UGP2: variants seen among roughly 807,000 people sequenced by gnomAD.
The protein encoded by UGP2 is UTP--glucose-1-phosphate uridylyltransferase.
UGP2 carries 40 observed loss-of-function variants against 49.0 expected under a neutral mutation model. That is an observed-to-expected ratio of 0.82 (90% CI 0.63 to 1.06). UGP2 has a LOEUF of 1.06. Ranked by LOEUF, UGP2 falls within the 50% of genes least tolerant of loss-of-function variation. The probability of loss-of-function intolerance (pLI) is 0.00; values close to 1 mark genes in which losing one functional copy is unlikely to be tolerated. For synonymous variants in UGP2, 225 were observed against 213.0 expected (o/e 1.06, Z -0.49); for missense variants, 460 against 603.5 (o/e 0.76, Z 2.49).
chr2:63,857,796 T>G, intron 2 of UGP2, 33 bp from the exon 3 acceptor site: 1 of 1,566,354 alleles, frequency 6.4e-7, no homozygotes, highest in African/African-American at 1.4e-5. Flanking sequence ...TTAAGCATTC[T>G]GCTGGTTGTA....
chr2:63,877,233 AGGAGC>A (rs1670967780), intron 3 of UGP2, among the ~76,000 whole-genome samples: 1 of 152,246 alleles, frequency 6.6e-6, no homozygotes. Flanking sequence ...AGGTTGTTGG[AGGAGC>A]AAGATATTTT....
At chr2:63,887,765 T>A (rs1477098495) in intron 8 of UGP2, 121 bp downstream of exon 8, 5 of 1,289,722 alleles carry the variant, frequency 3.9e-6, no homozygotes, top group Admixed American at 2.3e-5. Flanking sequence ...TATTCCTCTG[T>A]CTTTGATACC....
intron 3 of UGP2, among the ~76,000 whole-genome samples, chr2:63,865,732 T>G (rs1670141137): frequency 6.6e-6 from 1 of 151,954 alleles, no homozygotes; most frequent in Non-Finnish European, 1.5e-5. Context: ...AAAGACAAGG[T>G]CTCGCTGTGT....
At chr2:63,883,627 A>G (rs755598005) in intron 4 of UGP2, among the ~76,000 whole-genome samples, 3 of 152,150 alleles carry the variant, frequency 2.0e-5, no homozygotes, top group Non-Finnish European at 2.9e-5. Flanking sequence ...GCTGTACACA[A>G]GCTCCAGACT....
intron 3 of UGP2, among the ~76,000 whole-genome samples, chr2:63,879,314 G>C (rs1252312250): frequency 6.6e-6 from 1 of 152,022 alleles, no homozygotes; most frequent in Non-Finnish European, 1.5e-5. Context: ...TGAATTATTT[G>C]AAAACATTGT....
chr2:63,853,090 C>T (rs563751613), intron 1 of UGP2, among the ~76,000 whole-genome samples: 7 of 151,884 alleles, frequency 4.6e-5, no homozygotes, highest in African/African-American at 1.7e-4. Flanking sequence ...GGTCTGGGGA[C>T]AGAATTTTAG....
intron 1 of UGP2, among the ~76,000 whole-genome samples, chr2:63,844,531 C>A (rs983741950): frequency 1.3e-5 from 2 of 151,740 alleles, no homozygotes; most frequent in Non-Finnish European, 2.9e-5. Context: ...AGTATCTTGT[C>A]CAAAGTTCAC....
intron 1 of UGP2, among the ~76,000 whole-genome samples, chr2:63,851,567 T>G (rs901118665): frequency 6.6e-5 from 10 of 152,210 alleles, no homozygotes; most frequent in African/African-American, 2.4e-4. Flanking sequence ...TCCCAGAGAT[T>G]GGGATGATTC....
intron 3 of UGP2, among the ~76,000 whole-genome samples, chr2:63,864,534 T>C (rs1275721397): frequency 2.6e-5 from 4 of 152,206 alleles, no homozygotes; most frequent in Non-Finnish European, 5.9e-5. Flanking sequence ...CTCACTGTTA[T>C]CCTTTTTTTC....
At chr2:63,859,825 C>A (rs540231024) in intron 3 of UGP2, among the ~76,000 whole-genome samples, 1 of 152,246 alleles carries the variant, frequency 6.6e-6, no homozygotes, top group South Asian at 2.1e-4. Flanking sequence ...ATCCCATATG[C>A]CCTTAATCTT....
chr2:63,885,366 A>G (rs573735059), intron 5 of UGP2, among the ~76,000 whole-genome samples: 1 of 152,268 alleles, frequency 6.6e-6, no homozygotes, highest in Admixed American at 6.5e-5. Flanking sequence ...CTGTATGACC[A>G]TAGAGACATG....
chr2:63,879,436 C>T (rs1266115991), intron 3 of UGP2, among the ~76,000 whole-genome samples: 3 of 152,174 alleles, frequency 2.0e-5, no homozygotes. Context: ...CTCCAAGTTA[C>T]ATCTAGATAA....
At chr2:63,891,045 TA>T in intron 9 of UGP2, 74 bp from the exon 10 acceptor site, 1 of 1,235,136 alleles carries the variant, frequency 8.1e-7, no homozygotes, top group Non-Finnish European at 1.1e-6. Flanking sequence ...AAGTTGTACA[TA>T]AACTTGATCA....
chr2:63,843,764 AC>A (rs1253275104), intron 1 of UGP2, among the ~76,000 whole-genome samples: 2 of 152,246 alleles, frequency 1.3e-5, no homozygotes, highest in Non-Finnish European at 2.9e-5. Context: ...ATTTGTCAAA[AC>A]TAAGAAATTA....
intron 1 of UGP2, among the ~76,000 whole-genome samples, chr2:63,851,400 G>A (rs1384578462): frequency 6.6e-6 from 1 of 152,134 alleles, no homozygotes; most frequent in Non-Finnish European, 1.5e-5. Context: ...AGAGACAGGA[G>A]TGATTAAAAC....
chr2:63,843,776 A>T (rs1481795528), intron 1 of UGP2, among the ~76,000 whole-genome samples: 4 of 152,252 alleles, frequency 2.6e-5, no homozygotes, highest in Non-Finnish European at 4.4e-5. Context: ...TAAGAAATTA[A>T]CATAGGTACA....
chr2:63,846,620 C>T (rs1436199481), intron 1 of UGP2, among the ~76,000 whole-genome samples: 1 of 152,134 alleles, frequency 6.6e-6, no homozygotes, highest in African/African-American at 2.4e-5. Flanking sequence ...CTTTTCATAA[C>T]TTTTTTGGTG....
chr2:63,851,077 G>GC (rs1384369760), intron 1 of UGP2, among the ~76,000 whole-genome samples: 2 of 152,158 alleles, frequency 1.3e-5, no homozygotes, highest in African/African-American at 2.4e-5. Flanking sequence ...CAAGGATCTA[G>GC]CATATGAGCA....
intron 3 of UGP2, among the ~76,000 whole-genome samples, chr2:63,880,420 A>C (rs1575846687): frequency 6.6e-6 from 1 of 152,014 alleles, no homozygotes; most frequent in Admixed American, 6.5e-5. Flanking sequence ...TTGGCTTCCC[A>C]AATTGCTGGG....
Sources: allele counts gnomAD v4.1 joint callset (sites outside exome capture counted in the v4.1 genomes callset), GRCh38; gene constraint gnomAD v4.1.1; transcripts MANE v1.5; gene names NCBI Gene and HGNC (gene_info 2026-07-23, HGNC 2026-07-21).